GDPD1: variants seen among roughly 807,000 people sequenced by gnomAD.
GDPD1 encodes glycerophosphodiester phosphodiesterase domain containing 1, also known as lysophospholipase D GDPD1.
A neutral mutation model predicts 45.1 loss-of-function variants in GDPD1; 28 were observed. That is an observed-to-expected ratio of 0.62 (90% CI 0.46 to 0.85). GDPD1 has a LOEUF of 0.85. Among genes scored for constraint, GDPD1 ranks in the 40% least tolerant of loss-of-function variants. The pLI is 0.00. For synonymous variants in GDPD1, 139 were observed against 131.4 expected (o/e 1.06, Z -0.40); for missense variants, 256 against 364.8 (o/e 0.70, Z 2.43).
chr17:59,228,169 C>G (rs887753951), intron 1 of GDPD1, among the ~76,000 whole-genome samples: 62 of 41,982 alleles, frequency 1.5e-3, no homozygotes, highest in African/African-American at 0.013. Context: ...AAGACTCCAT[C>G]TAAAAAAAAA....
At chr17:59,226,085 A>G (rs1272628192) in intron 1 of GDPD1, among the ~76,000 whole-genome samples, 1 of 152,114 alleles carries the variant, frequency 6.6e-6, no homozygotes, top group Non-Finnish European at 1.5e-5. Context: ...TGATGCTAGC[A>G]CTGTCCCAGA....
At chr17:59,245,893 G>A (rs1014786372) in intron 3 of GDPD1, among the ~76,000 whole-genome samples, 8 of 152,044 alleles carry the variant, frequency 5.3e-5, no homozygotes, top group African/African-American at 1.7e-4. Flanking sequence ...GGCCGAGGCG[G>A]GTGGATCACC....
At chr17:59,260,060 C>CAAAAAAAAAAAAAAAAAA (rs56936442) in intron 6 of GDPD1, among the ~76,000 whole-genome samples, 1 of 25,828 alleles carries the variant, frequency 3.9e-5, no homozygotes, top group Non-Finnish European at 6.9e-5. Context: ...GACCCTGTCT[C>CAAAAAAAAAAAAAAAAAA]AAAAAAAAAA....
chr17:59,226,614 A>G (rs1204696965), intron 1 of GDPD1, among the ~76,000 whole-genome samples: 6 of 152,206 alleles, frequency 3.9e-5, no homozygotes. Flanking sequence ...ATATGTTCAG[A>G]TGGTATTGTA....
intron 1 of GDPD1, among the ~76,000 whole-genome samples, chr17:59,229,709 T>C (rs886083374): frequency 3.3e-5 from 5 of 152,176 alleles, no homozygotes; most frequent in African/African-American, 1.2e-4. Flanking sequence ...ATTCCACACC[T>C]GACCTCATGT....
At chr17:59,245,964 A>C (rs951548285) in intron 3 of GDPD1, among the ~76,000 whole-genome samples, 1 of 151,550 alleles carries the variant, frequency 6.6e-6, no homozygotes, top group Admixed American at 6.6e-5. Context: ...CTACTAAAAA[A>C]TACAAAAATT....
chr17:59,273,857 C>T lies in GDPD1; in HGVS notation c.*84C>T. On this transcript the variant is annotated 3_prime_UTR_variant, in exon 10 of 10. Coordinates refer to ENST00000284116, the MANE Select transcript of GDPD1 (RefSeq NM_182569.4). ...CATGATCATTTCCCTAAGCCATTTC[C>T]AGAATGGTAAAAGGTTTAATCAGTT... The T allele has an allele frequency of 7.2e-7, 1 of 1,393,886 alleles. No individual in the cohort carries two copies. The highest frequency in any genetic ancestry group is 9.3e-7 in the Non-Finnish European group (1 of 1,070,338). 86.3% of individuals were successfully genotyped at this position (1,393,886 alleles called of 1,614,324 possible).
At chr17:59,239,922 C>T (rs924219763) in intron 2 of GDPD1, among the ~76,000 whole-genome samples, 1 of 151,428 alleles carries the variant, frequency 6.6e-6, no homozygotes, top group South Asian at 2.1e-4. Context: ...TTTTTAGAGA[C>T]GGGGTTTTGT....
At chr17:59,271,634 T>TTTTATTTTA (rs1555725744) in intron 8 of GDPD1, among the ~76,000 whole-genome samples, 6 of 126,500 alleles carry the variant, frequency 4.7e-5, no homozygotes, top group South Asian at 2.4e-4. Flanking sequence ...TTTTATTTTA[T>TTTTATTTTA]TTTATTTATT....
At position 59,255,285 on chromosome 17, in the gene GDPD1, T is replaced by C. The variant is rs368535351; in HGVS notation, c.368-1837T>C. 1.8e-4 allele frequency among the ~76,000 whole-genome samples: 28 copies of C among 152,092 alleles called. No homozygotes were observed. In the East Asian group the frequency reaches 5.2e-3, roughly 28 times the overall value. ...TAGTATGTATAGTAAATTATATAAATGATTAGAGTAATTAGAGTCAAAAGG... is the reference window on the plus strand; with the variant it reads ...TAGTATGTATAGTAAATTATATAAACGATTAGAGTAATTAGAGTCAAAAGG... On this transcript the variant is annotated intron_variant, in intron 4 of 9. Transcript: ENST00000284116.
At chr17:59,256,127 T>C (rs1353117853) in intron 4 of GDPD1, among the ~76,000 whole-genome samples, 1 of 151,762 alleles carries the variant, frequency 6.6e-6, no homozygotes, top group African/African-American at 2.4e-5. Flanking sequence ...GAGACCAGCC[T>C]GGCCAAATGC....
intron 1 of GDPD1, among the ~76,000 whole-genome samples, chr17:59,233,347 A>C (rs2047105845): frequency 6.6e-6 from 1 of 151,938 alleles, no homozygotes; most frequent in South Asian, 2.1e-4. Context: ...CCCCGTCTCT[A>C]CTAAAAAACA....
intron 1 of GDPD1, among the ~76,000 whole-genome samples, chr17:59,228,024 T>G (rs563767146): frequency 1.2e-4 from 18 of 151,964 alleles, no homozygotes; most frequent in Non-Finnish European, 2.4e-4. Context: ...ACAAAAGAAT[T>G]AGCCTGGTGT....
At chr17:59,227,965 T>C (rs2047059981) in intron 1 of GDPD1, among the ~76,000 whole-genome samples, 1 of 151,826 alleles carries the variant, frequency 6.6e-6, no homozygotes, top group African/African-American at 2.4e-5. Context: ...AGCTCAGGAG[T>C]TTGAGACCAG....
rs114093126 is a variant in GDPD1 at position 59,250,995 on chromosome 17, C to G, written c.367+2210C>G. On this transcript the variant is annotated intron_variant, in intron 4 of 9. Coordinates refer to ENST00000284116, the MANE Select transcript of GDPD1 (RefSeq NM_182569.4). ...TGCTAGGATTATAAGCATGAGCCAC[C>G]ACACCTGGCCAATTTTTGAATGTGA... Among the ~76,000 whole-genome samples, 941 of 152,248 alleles carry G rather than the reference C, an allele frequency of 6.2e-3. 6 individuals are homozygous for G. The highest frequency in any genetic ancestry group is 0.021 in the African/African-American group (885 of 41,554).
intron 1 of GDPD1, among the ~76,000 whole-genome samples, chr17:59,231,047 A>C (rs878956021): frequency 6.6e-6 from 1 of 152,176 alleles, no homozygotes; most frequent in Admixed American, 6.6e-5. Flanking sequence ...TTATGCTACC[A>C]AAAAGGCATG....
intron 7 of GDPD1, among the ~76,000 whole-genome samples, chr17:59,267,869 C>T (rs567074686): frequency 6.6e-6 from 1 of 151,910 alleles, no homozygotes; most frequent in Non-Finnish European, 1.5e-5. Flanking sequence ...GGGGCTTCAC[C>T]ATGTTGGTCA....
intron 2 of GDPD1, among the ~76,000 whole-genome samples, chr17:59,244,321 T>C (rs2047195701): frequency 1.3e-5 from 2 of 152,220 alleles, no homozygotes; most frequent in Non-Finnish European, 2.9e-5. Flanking sequence ...ACTCATGCTC[T>C]CTTGAGGCAT....
In GDPD1 at chr17:59,220,568, C is replaced by T; in HGVS notation, c.-42C>T. ...TCGTTGCTACTGCCGCAGCGGAGTT[C>T]AGAGGGCCCGGAGGTGGGAGACTTC... is the stretch of plus-strand genomic sequence containing the variant. On this transcript the variant is annotated 5_prime_UTR_variant, in exon 1 of 10. Coordinates refer to ENST00000284116, the MANE Select transcript of GDPD1 (RefSeq NM_182569.4). 1 of 1,598,228 alleles carries T rather than the reference C, an allele frequency of 6.3e-7. No homozygotes were observed. Among genetic ancestry groups the T allele is most frequent in the Non-Finnish European group, 8.5e-7 (1 of 1,171,386 alleles).
Sources: allele counts gnomAD v4.1 joint callset (sites outside exome capture counted in the v4.1 genomes callset), GRCh38; gene constraint gnomAD v4.1.1; transcripts MANE v1.5; gene names NCBI Gene and HGNC (gene_info 2026-07-23, HGNC 2026-07-21).